The following MGAM variants were observed in gnomAD, a reference collection of about 807,000 sequenced individuals.
The protein encoded by MGAM is alpha-1,4-glucosidase.
Under a neutral mutation model 358.8 loss-of-function variants are expected in MGAM, and 253 were observed. The ratio of observed to expected loss-of-function variants is 0.71; its 90% CI spans 0.64 to 0.78. MGAM has a LOEUF of 0.78. MGAM is among the 30% of genes least tolerant of loss of function. The pLI is 0.00. For synonymous variants in MGAM, 1,105 were observed against 1,227.1 expected (o/e 0.90, Z 2.08); for missense variants, 3,080 against 3,432.6 (o/e 0.90, Z 2.57).
chr7:142,046,135 A>G (rs977568155), intron 21 of MGAM, among the ~76,000 whole-genome samples: 27 of 144,476 alleles, frequency 1.9e-4, no homozygotes, highest in Non-Finnish European at 3.6e-4. Context: ...TTATATATTT[A>G]TATATTATAT....
chr7:142,040,939 G>A, intron 21 of MGAM, 93 bp downstream of exon 21: 2 of 1,454,264 alleles, frequency 1.4e-6, no homozygotes, highest in Non-Finnish European at 1.8e-6. Context: ...CAGGTGGTCA[G>A]CCTCTTTGGT....
chr7:142,025,879 C>G (rs1170783753), intron 8 of MGAM, among the ~76,000 whole-genome samples: 1 of 152,080 alleles, frequency 6.6e-6, no homozygotes, highest in Non-Finnish European at 1.5e-5. Context: ...AGAGATGAAT[C>G]TAAGACGATT....
chr7:142,090,635 G>T (rs1286878274), intron 57 of MGAM, among the ~76,000 whole-genome samples: 6 of 145,572 alleles, frequency 4.1e-5, no homozygotes, highest in Non-Finnish European at 3.1e-5. Flanking sequence ...TGTCTATTGT[G>T]TGTAAGAACT....
intron 42 of MGAM, among the ~76,000 whole-genome samples, chr7:142,068,402 G>A (rs556681874): frequency 2.1e-5 from 3 of 145,224 alleles, no homozygotes; most frequent in African/African-American, 7.3e-5. Flanking sequence ...TAAGCAAACA[G>A]TGATTTATTT....
intron 17 of MGAM, 54 bp downstream of exon 17, chr7:142,036,339 A>G (rs1420339891): frequency 7.6e-7 from 1 of 1,314,066 alleles, no homozygotes; most frequent in Non-Finnish European, 1.1e-6. Flanking sequence ...TTAGGACTAG[A>G]TCTGTCTGCA....
intron 7 of MGAM, among the ~76,000 whole-genome samples, chr7:142,024,051 C>T (rs375058365): frequency 3.5e-4 from 53 of 152,060 alleles, no homozygotes; most frequent in South Asian, 1.9e-3. Context: ...CTGGTGAAAC[C>T]CTGTCTCTAC....
chr7:142,030,812 A>G, intron 12 of MGAM, 55 bp downstream of exon 12: 1 of 1,063,340 alleles, frequency 9.4e-7, no homozygotes, highest in East Asian at 2.5e-5. Context: ...GGGTGTTTGA[A>G]TGTGTCTGTG....
chr7:142,044,015 A>G (rs201727820), intron 21 of MGAM, among the ~76,000 whole-genome samples: 11 of 72,130 alleles, frequency 1.5e-4, no homozygotes, highest in Non-Finnish European at 3.9e-4. Flanking sequence ...CGTATAATAT[A>G]TACATTATAT....
chr7:142,086,708 T>C lies in MGAM; in HGVS notation c.6801T>C (p.Ser2267=), dbSNP rs112727787. The change falls in exon 57 of 71, where the codon AGT becomes AGC. Residue 2267 remains serine, a synonymous_variant. Coordinates refer to ENST00000475668, the MANE Select transcript of MGAM (RefSeq NM_001365693.1). ...VVVNGSLDWD[S]QVELYRAYVA... ...TGAATGGGTCTCTAGACTGGGACAGTCAAGTGGAGGTAAAGGGTCTTTGTA... is the reference window on the plus strand; with the variant it reads ...TGAATGGGTCTCTAGACTGGGACAGCCAAGTGGAGGTAAAGGGTCTTTGTA... 18 of 1,109,184 alleles carry C rather than the reference T, an allele frequency of 1.6e-5. 5 individuals are homozygous for C. Among genetic ancestry groups the C allele is most frequent in the Admixed American group, 1.2e-4 (6 of 48,474 alleles). 68.7% of individuals were successfully genotyped at this position (1,109,184 alleles called of 1,614,324 possible). A position where few individuals can be genotyped will look rare whatever the true frequency, so the allele number is the denominator to read the frequency against.
intron 53 of MGAM, 146 bp downstream of exon 53, chr7:142,083,559 C>T: frequency 1.5e-6 from 1 of 666,312 alleles, no homozygotes; most frequent in Non-Finnish European, 2.4e-6. Context: ...AAAATAAATA[C>T]ATTCTAATCA....
At chr7:142,045,765 A>G (rs1410701507) in intron 21 of MGAM, among the ~76,000 whole-genome samples, 1 of 121,380 alleles carries the variant, frequency 8.2e-6, no homozygotes, top group African/African-American at 3.3e-5. Flanking sequence ...ATATATACAT[A>G]CAATGTATGA....
chr7:142,056,980 A>C (rs373794698), intron 30 of MGAM, 38 bp downstream of exon 30: 8 of 1,594,034 alleles, frequency 5.0e-6, no homozygotes, highest in Non-Finnish European at 6.0e-6. Context: ...GTACTTACAC[A>C]GCACATTCTG....
chr7:142,089,607 A>G (rs1815172718), intron 57 of MGAM, among the ~76,000 whole-genome samples: 1 of 145,748 alleles, frequency 6.9e-6, no homozygotes, highest in Non-Finnish European at 1.6e-5. Flanking sequence ...CCTGACCACC[A>G]TGGTGAAACC....
intron 45 of MGAM, among the ~76,000 whole-genome samples, chr7:142,074,547 C>T (rs1813591085): frequency 8.2e-6 from 1 of 122,138 alleles, no homozygotes; most frequent in South Asian, 2.8e-4. Flanking sequence ...GCCAGTGAGG[C>T]AGTGAGAATA....
intron 21 of MGAM, among the ~76,000 whole-genome samples, chr7:142,044,905 T>G: frequency 1.2e-5 from 1 of 80,828 alleles, no homozygotes; most frequent in South Asian, 3.7e-4. Context: ...ATATGATATA[T>G]AATGTATATT....
intron 67 of MGAM, among the ~76,000 whole-genome samples, chr7:142,100,380 A>G (rs900115665): frequency 4.6e-5 from 7 of 152,240 alleles, no homozygotes; most frequent in African/African-American, 1.7e-4. Context: ...TATCAATACT[A>G]ACATTCTTAG....
chr7:141,993,829 C>A (rs2128971519), upstream of MGAM, among the ~76,000 whole-genome samples: 1 of 152,286 alleles, frequency 6.6e-6, no homozygotes, highest in Admixed American at 6.5e-5. Context: ...TTTGAAATTG[C>A]AATCGCTATT....
intron 4 of MGAM, among the ~76,000 whole-genome samples, chr7:142,020,604 T>TATATA (rs57193106): frequency 1.1e-3 from 114 of 107,514 alleles, no homozygotes; most frequent in African/African-American, 3.3e-3. Context: ...TATATATATA[T>TATATA]TTTTTTTTTT....
At chr7:142,101,251 A>G (rs1040153812) in intron 68 of MGAM, among the ~76,000 whole-genome samples, 3 of 152,114 alleles carry the variant, frequency 2.0e-5, no homozygotes, top group Non-Finnish European at 2.9e-5. Flanking sequence ...TAATACCTCT[A>G]TCCGTTGTAT....
Sources: allele counts gnomAD v4.1 joint callset (sites outside exome capture counted in the v4.1 genomes callset), GRCh38; gene constraint gnomAD v4.1.1; transcripts MANE v1.5; gene names NCBI Gene and HGNC (gene_info 2026-07-23, HGNC 2026-07-21).